ZNF385B: variants seen among roughly 807,000 people sequenced by gnomAD.
The protein encoded by ZNF385B is zinc finger protein 533.
In ZNF385B, 23 loss-of-function variants were observed where a neutral mutation model predicts 39.2. The observed-to-expected ratio is 0.59, with a 90% CI of 0.42 to 0.83. ZNF385B has a LOEUF of 0.83. Ranked by LOEUF, ZNF385B falls within the 40% of genes least tolerant of loss-of-function variation. The probability of loss-of-function intolerance (pLI) is 0.00; values close to 1 mark genes in which losing one functional copy is unlikely to be tolerated. For missense variants in ZNF385B, 552 were observed against 598.9 expected (o/e 0.92, Z 0.82); for synonymous variants, 205 against 222.6 (o/e 0.92, Z 0.70).
chr2:179,502,194 G>A (rs1382627146), intron 5 of ZNF385B, among the ~76,000 whole-genome samples: 2 of 152,170 alleles, frequency 1.3e-5, no homozygotes, highest in African/African-American at 4.8e-5. Flanking sequence ...CAGGCTTACA[G>A]GTGGAAGGGA....
intron 1 of ZNF385B, among the ~76,000 whole-genome samples, chr2:179,854,990 T>C (rs1238547347): frequency 6.6e-6 from 1 of 152,138 alleles, no homozygotes; most frequent in Non-Finnish European, 1.5e-5. Context: ...TTCTTTCACA[T>C]GCAAAGGATA....
At chr2:179,737,739 C>G (rs1701853255) in intron 3 of ZNF385B, among the ~76,000 whole-genome samples, 1 of 152,164 alleles carries the variant, frequency 6.6e-6, no homozygotes, top group Non-Finnish European at 1.5e-5. Context: ...ATATATTATT[C>G]TCACTTAATC....
intron 1 of ZNF385B, among the ~76,000 whole-genome samples, chr2:179,787,056 T>C (rs1705048934): frequency 6.6e-6 from 1 of 152,170 alleles, no homozygotes; most frequent in South Asian, 2.1e-4. Flanking sequence ...TTTGTGAATT[T>C]CCTATTCATG....
Position 179,610,896 on chromosome 2 carries a change from C to T in ZNF385B, c.299-65927G>A, listed in dbSNP as rs1252968646. On this transcript the variant is annotated intron_variant, in intron 3 of 9. Coordinates refer to ENST00000410066, the MANE Select transcript of ZNF385B (RefSeq NM_152520.6). ...AATTTTTGTATGTTGATTTTGTATC[C>T]TGCAACTTTATTGAATTTGTTTATC... Among the ~76,000 whole-genome samples, 3 of 152,166 alleles carry T rather than the reference C, an allele frequency of 2.0e-5. No homozygotes were observed. The East Asian group carries it at 5.8e-4, about 29-fold the overall frequency.
chr2:179,483,526 G>C, intron 5 of ZNF385B, 92 bp from the exon 6 acceptor site: 1 of 1,523,544 alleles, frequency 6.6e-7, no homozygotes, highest in Non-Finnish European at 9.0e-7. Flanking sequence ...TCTATCATAG[G>C]CACCACAGAC....
chr2:179,540,492 AC>A (rs2059847876), intron 4 of ZNF385B, among the ~76,000 whole-genome samples: 1 of 145,954 alleles, frequency 6.9e-6, no homozygotes, highest in Non-Finnish European at 1.5e-5. Context: ...AACAACAACA[AC>A]AACAAAAAAA....
At chr2:179,635,137 G>A (rs555654535) in intron 3 of ZNF385B, among the ~76,000 whole-genome samples, 8 of 148,642 alleles carry the variant, frequency 5.4e-5, no homozygotes, top group African/African-American at 1.0e-4. Context: ...GCGAAACTCC[G>A]TCTCAGAAAA....
intron 3 of ZNF385B, among the ~76,000 whole-genome samples, chr2:179,767,602 G>T (rs550669037): frequency 6.6e-6 from 1 of 152,156 alleles, no homozygotes; most frequent in Non-Finnish European, 1.5e-5. Flanking sequence ...TAGATCAAAA[G>T]TGAGGAAAGT....
intron 3 of ZNF385B, among the ~76,000 whole-genome samples, chr2:179,644,996 A>T (rs1487881671): frequency 6.6e-6 from 1 of 152,172 alleles, no homozygotes; most frequent in Non-Finnish European, 1.5e-5. Flanking sequence ...ATTTCCCATT[A>T]TTATTTATTG....
intron 3 of ZNF385B, among the ~76,000 whole-genome samples, chr2:179,702,057 C>T (rs1441298464): frequency 1.3e-5 from 2 of 152,004 alleles, no homozygotes; most frequent in Non-Finnish European, 2.9e-5. Flanking sequence ...TTCACGTTTT[C>T]ATTTTTTTTT....
At chr2:179,745,072 T>C (rs1702298727) in intron 3 of ZNF385B, among the ~76,000 whole-genome samples, 1 of 152,182 alleles carries the variant, frequency 6.6e-6, no homozygotes, top group Non-Finnish European at 1.5e-5. Flanking sequence ...ATTTAAAGCA[T>C]CTCAGCTAAT....
intron 6 of ZNF385B, among the ~76,000 whole-genome samples, chr2:179,470,257 G>A (rs1251556024): frequency 1.3e-5 from 2 of 152,208 alleles, no homozygotes; most frequent in East Asian, 3.8e-4. Context: ...AAGGATGACA[G>A]GCATCAACCA....
chr2:179,791,731 T>G (rs776961482), intron 1 of ZNF385B, among the ~76,000 whole-genome samples: 1 of 152,212 alleles, frequency 6.6e-6, no homozygotes, highest in Non-Finnish European at 1.5e-5. Context: ...AAATTTTGAT[T>G]TTTTGTTCTT....
intron 3 of ZNF385B, among the ~76,000 whole-genome samples, chr2:179,700,969 T>C (rs990811151): frequency 6.6e-6 from 1 of 152,136 alleles, no homozygotes; most frequent in Non-Finnish European, 1.5e-5. Flanking sequence ...GCCGAGATCG[T>C]GCCACTGCAC....
chr2:179,721,076 G>A (rs1201568211), intron 3 of ZNF385B, among the ~76,000 whole-genome samples: 2 of 151,820 alleles, frequency 1.3e-5, no homozygotes, highest in Admixed American at 6.6e-5. Context: ...GCCCCTTGAA[G>A]TAACTATATT....
chr2:179,473,492 A>G (rs2053043629), intron 6 of ZNF385B, among the ~76,000 whole-genome samples: 1 of 152,070 alleles, frequency 6.6e-6, no homozygotes, highest in South Asian at 2.1e-4. Context: ...AATCCTTACA[A>G]CAATCCTAGG....
chr2:179,764,056 G>A (rs1211765001), intron 3 of ZNF385B, among the ~76,000 whole-genome samples: 1 of 152,020 alleles, frequency 6.6e-6, no homozygotes, highest in Non-Finnish European at 1.5e-5. Flanking sequence ...CTGAGAGTAG[G>A]TCCCCAACTG....
At chr2:179,654,110 A>G (rs185348416) in intron 3 of ZNF385B, among the ~76,000 whole-genome samples, 23 of 152,266 alleles carry the variant, frequency 1.5e-4, no homozygotes, top group African/African-American at 5.5e-4. Context: ...ATTCTCCTAA[A>G]TCACCAACAT....
chr2:179,819,400 C>T (rs1023281855), intron 1 of ZNF385B, among the ~76,000 whole-genome samples: 1 of 152,126 alleles, frequency 6.6e-6, no homozygotes, highest in African/African-American at 2.4e-5. Context: ...CCCTCTACCA[C>T]ATCATCCATC....
Sources: allele counts gnomAD v4.1 joint callset (sites outside exome capture counted in the v4.1 genomes callset), GRCh38; gene constraint gnomAD v4.1.1; transcripts MANE v1.5; gene names NCBI Gene and HGNC (gene_info 2026-07-23, HGNC 2026-07-21).